The following C5orf47 variants were observed in gnomAD, a reference collection of about 807,000 sequenced individuals.
C5orf47 encodes the protein uncharacterized protein C5orf47.
Under a neutral mutation model 20.6 loss-of-function variants are expected in C5orf47, and 20 were observed. That is an observed-to-expected ratio of 0.97 (90% CI 0.68 to 1.41). The LOEUF (loss-of-function observed/expected upper bound fraction) is 1.41, where lower values mean the gene tolerates loss of function less well. C5orf47 is among the 40% of genes most tolerant of loss of function. The probability of loss-of-function intolerance (pLI) is 0.00; values close to 1 mark genes in which losing one functional copy is unlikely to be tolerated. For synonymous variants in C5orf47, 106 were observed against 97.3 expected (o/e 1.09, Z -0.53); for missense variants, 262 against 238.4 (o/e 1.10, Z -0.65).
chr5:173,989,568 C>G lies in C5orf47; in HGVS notation c.305C>G (p.Thr102Ser). ...CGGGCATCGAGAGTTCAGAGCGGCACCAGACAGTCGGCGCGTGCAGGTGGT... is the reference window on the plus strand; with the variant it reads ...CGGGCATCGAGAGTTCAGAGCGGCAGCAGACAGTCGGCGCGTGCAGGTGGT... Reference protein sequence around the residue: ...QLRASRVQSGTRQSARAGLIQ... With the variant: ...QLRASRVQSGSRQSARAGLIQ... The change falls in exon 1 of 5, where the codon ACC becomes AGC. Residue 102 changes from threonine (T) to serine (S), a missense_variant. Transcript: ENST00000340147. 1 of 1,478,446 alleles carries G rather than the reference C, an allele frequency of 6.8e-7. No individual in the cohort carries two copies. The highest frequency in any genetic ancestry group is 9.0e-7 in the Non-Finnish European group (1 of 1,113,856). The allele number at this position is 1,478,446 out of a possible 1,614,324, so 91.6% of individuals were successfully genotyped here.
downstream of C5orf47, among the ~76,000 whole-genome samples, chr5:174,007,901 A>T (rs553089362): frequency 7.9e-5 from 12 of 152,242 alleles, no homozygotes; most frequent in African/African-American, 2.9e-4. Flanking sequence ...AGAGATCTGT[A>T]TTGCTTGTTC....
chr5:173,993,078 T>G (rs752580476), intron 1 of C5orf47, among the ~76,000 whole-genome samples: 5 of 152,190 alleles, frequency 3.3e-5, no homozygotes, highest in African/African-American at 4.8e-5. Flanking sequence ...ATTTTCAGAT[T>G]TAGAATGCAT....
intron 1 of C5orf47, among the ~76,000 whole-genome samples, chr5:173,997,517 A>G (rs988660730): frequency 6.6e-6 from 1 of 152,206 alleles, no homozygotes; most frequent in Non-Finnish European, 1.5e-5. Flanking sequence ...ACTAAGACAC[A>G]CATGGCCATT....
intron 1 of C5orf47, among the ~76,000 whole-genome samples, chr5:173,996,997 G>T (rs1759110539): frequency 6.6e-6 from 1 of 152,074 alleles, no homozygotes; most frequent in Non-Finnish European, 1.5e-5. Flanking sequence ...CAAATCAGTG[G>T]CATGTTTCTC....
At chr5:174,001,401 G>T (rs942703127) in intron 4 of C5orf47, among the ~76,000 whole-genome samples, 170 bp downstream of exon 4, 4 of 151,878 alleles carry the variant, frequency 2.6e-5, no homozygotes, top group Admixed American at 6.6e-5. Context: ...AATACTTACT[G>T]ACCTTTAAAA....
intron 1 of C5orf47, among the ~76,000 whole-genome samples, chr5:173,994,148 G>C (rs1397217665): frequency 6.6e-6 from 1 of 152,196 alleles, no homozygotes; most frequent in Non-Finnish European, 1.5e-5. Context: ...CTTTTGAAGC[G>C]TTGGTTGTGC....
At chr5:174,004,092 A>G (rs1759244717) in intron 4 of C5orf47, among the ~76,000 whole-genome samples, 179 bp from the exon 5 acceptor site, 1 of 152,218 alleles carries the variant, frequency 6.6e-6, no homozygotes, top group Non-Finnish European at 1.5e-5. Flanking sequence ...TGAGTTACAT[A>G]TTGAGTCTGT....
At chr5:173,992,424 G>A (rs1282551926) in intron 1 of C5orf47, among the ~76,000 whole-genome samples, 3 of 151,612 alleles carry the variant, frequency 2.0e-5, no homozygotes, top group Non-Finnish European at 1.5e-5. Flanking sequence ...GAAAAATCAA[G>A]GTTTTGATTT....
In C5orf47 at chr5:173,998,291, C is replaced by G. The variant is rs181730353; in HGVS notation, c.411+53C>G. The G allele has an allele frequency of 7.3e-5, 67 of 920,534 alleles. No homozygotes were observed. The East Asian group carries it at 1.1e-3, about 16-fold the overall frequency. 57.0% of individuals were successfully genotyped at this position (920,534 alleles called of 1,614,324 possible). The stretch of plus-strand genomic sequence containing the variant: ...ATATTTGAATTTTAGATCATCCTCT[C>G]TAAATACAAATGTGTAAAGATATTC... On this transcript the variant is annotated intron_variant, in intron 2 of 4. Coordinates refer to ENST00000340147, the MANE Select transcript of C5orf47 (RefSeq NM_001144954.2).
intron 1 of C5orf47, among the ~76,000 whole-genome samples, chr5:173,992,928 A>G (rs1000357360): frequency 1.3e-5 from 2 of 152,110 alleles, no homozygotes; most frequent in African/African-American, 4.8e-5. Context: ...TGCTCCTTTA[A>G]ATCATGCTTG....
intron 1 of C5orf47, among the ~76,000 whole-genome samples, chr5:173,995,350 G>A (rs186585836): frequency 6.6e-6 from 1 of 152,296 alleles, no homozygotes; most frequent in Non-Finnish European, 1.5e-5. Context: ...GAATAGCTTT[G>A]ATAGTCAAGT....
downstream of C5orf47, among the ~76,000 whole-genome samples, chr5:174,007,748 C>T (rs149176195): frequency 0.019 from 2,864 of 151,940 alleles, 89 homozygotes; most frequent in African/African-American, 0.065. Context: ...TTAGTAGAGA[C>T]GGGGTTTCAC....
In C5orf47 at chr5:173,989,343, G is replaced by C; in HGVS notation, c.80G>C (p.Ser27Thr). Residue 27 changes from serine to threonine, a missense_variant, in exon 1 of 5, where the codon AGT (serine) becomes ACT (threonine). Coordinates refer to ENST00000340147, the MANE Select transcript of C5orf47 (RefSeq NM_001144954.2). ...ACGCGCTTCGGCTCGCATCAGTGCA[G>C]TGGCGTCCTGCAACTGGGCGGCCGT... ...YVTRFGSHQC[S>T]GVLQLGGRGA... is the part of the protein sequence containing the mutation. 1 of 1,499,274 alleles carries C rather than the reference G, an allele frequency of 6.7e-7. No individual in the cohort carries two copies. The highest frequency in any genetic ancestry group is 8.9e-7 in the Non-Finnish European group (1 of 1,120,320). 92.9% of individuals were successfully genotyped at this position (1,499,274 alleles called of 1,614,324 possible).
chr5:173,993,189 T>G (rs1206437531), intron 1 of C5orf47, among the ~76,000 whole-genome samples: 1 of 152,206 alleles, frequency 6.6e-6, no homozygotes, highest in Non-Finnish European at 1.5e-5. Flanking sequence ...CTAGGGCATA[T>G]GGGATCATAG....
intron 1 of C5orf47, among the ~76,000 whole-genome samples, chr5:173,991,369 G>T (rs1280662376): frequency 6.6e-6 from 1 of 152,010 alleles, no homozygotes; most frequent in East Asian, 1.9e-4. Flanking sequence ...GGAGATAGCG[G>T]GCATCTTAGC....
intron 1 of C5orf47, among the ~76,000 whole-genome samples, chr5:173,991,450 G>T (rs12521327): frequency 0.13 from 20,283 of 151,204 alleles, 1,820 homozygotes; most frequent in African/African-American, 0.25. Flanking sequence ...ATGTGACTAA[G>T]GATTATATAT....
intron 1 of C5orf47, among the ~76,000 whole-genome samples, chr5:173,992,212 A>G (rs1380953720): frequency 6.7e-6 from 1 of 150,028 alleles, no homozygotes; most frequent in Non-Finnish European, 1.5e-5. Context: ...AAGTTAGCCA[A>G]CATTTTGACT....
rs563615686 is a variant in C5orf47 at position 173,998,240 on chromosome 5, T to A, written c.411+2T>A. 4.8e-6 allele frequency: 7 copies of A among 1,455,184 alleles called. No individual in the cohort carries two copies. In the Admixed American group the frequency reaches 1.1e-4, roughly 22 times the overall value. 90.1% of individuals were successfully genotyped at this position (1,455,184 alleles called of 1,614,324 possible). A position where few individuals can be genotyped will look rare whatever the true frequency, so the allele number is the denominator to read the frequency against. On this transcript the variant is annotated splice_donor_variant, in intron 2 of 4. Transcript: ENST00000340147. LOFTEE classifies it high-confidence loss of function. ...AAAATAATGAAGAAAAAGAAAAAGG[T>A]ATATTGCTGTAAAGGAGAATGAGCA...
At position 173,989,229 on chromosome 5, in the gene C5orf47, TGCTGAGGGCCCG is replaced by T; in HGVS notation, c.-30_-19del. ...AGTCTGGCGCCTGTGGCGTCGTGTT[TGCTGAGGGCCCG>T]GCTGCCGTTGACTGAGGCTGCGATG... is the stretch of plus-strand genomic sequence containing the variant. On this transcript the variant is annotated 5_prime_UTR_variant, in exon 1 of 5. Coordinates refer to ENST00000340147, the MANE Select transcript of C5orf47 (RefSeq NM_001144954.2). 7.3e-7 allele frequency: 1 copy of T among 1,366,998 alleles called. No homozygotes were observed. 84.7% of individuals were successfully genotyped at this position (1,366,998 alleles called of 1,614,324 possible).
Sources: allele counts gnomAD v4.1 joint callset (sites outside exome capture counted in the v4.1 genomes callset), GRCh38; gene constraint gnomAD v4.1.1; transcripts MANE v1.5; gene names NCBI Gene and HGNC (gene_info 2026-07-23, HGNC 2026-07-21).